ZNF417: variants seen among roughly 807,000 people sequenced by gnomAD.
ZNF417 encodes the protein zinc finger protein 417.
A neutral mutation model predicts 7.4 loss-of-function variants in ZNF417; 5 were observed. The observed-to-expected ratio is 0.68, with a 90% CI of 0.35 to 1.43. ZNF417 has a LOEUF of 1.43. Among genes scored for constraint, ZNF417 ranks in the 40% most tolerant of loss-of-function variants. The pLI is 0.04. For missense variants in ZNF417, 437 were observed against 697.3 expected (o/e 0.63, Z 4.20); for synonymous variants, 147 against 239.1 (o/e 0.61, Z 3.55).
Position 57,908,447 on chromosome 19 carries a change from T to A in ZNF417, c.*103A>T. 1 of 1,587,772 alleles carries A rather than the reference T, an allele frequency of 6.3e-7. No homozygotes were observed. The highest frequency in any genetic ancestry group is 1.1e-5 in the South Asian group (1 of 88,632). Reference sequence around the variant, plus strand: ...ACCAAGGAGAGCAGACATTCTGATGTTTCCCAGATTGACAGCACTCATAAG... The same window carrying A: ...ACCAAGGAGAGCAGACATTCTGATGATTCCCAGATTGACAGCACTCATAAG... On this transcript the variant is annotated 3_prime_UTR_variant, in exon 3 of 3. Transcript: ENST00000312026.
At position 57,909,125 on chromosome 19, in the gene ZNF417, A is replaced by G. The variant is rs1485027401; in HGVS notation, c.1153T>C (p.Cys385Arg). 1.9e-6 allele frequency: 3 copies of G among 1,614,154 alleles called. No homozygotes were observed. The highest frequency in any genetic ancestry group is 2.5e-6 in the Non-Finnish European group (3 of 1,180,038). Residue 385 changes from cysteine to arginine, a missense_variant, in exon 3 of 3, where the codon TGT becomes CGT. By Grantham distance (180) the Cys-to-Arg change is radical. Coordinates refer to ENST00000312026, the MANE Select transcript of ZNF417 (RefSeq NM_152475.3). ...CCCTTTTGACCAAAAGATTTTCCAC[A>G]TTCTCCACACTTGTAAGGCCTTTCT... ...TGERPYKCGE[C>R]GKSFGQKGNL...
At chr19:57,914,927 C>G (rs1479651019) in intron 1 of ZNF417, among the ~76,000 whole-genome samples, 2 of 152,194 alleles carry the variant, frequency 1.3e-5, no homozygotes, top group Admixed American at 1.3e-4. Flanking sequence ...TCCCAGCACA[C>G]CACAAGCTAG....
At position 57,909,313 on chromosome 19, in the gene ZNF417, C is replaced by G. The variant is rs148360150; in HGVS notation, c.965G>C (p.Arg322Thr). 3 of 1,613,994 alleles carry G rather than the reference C, an allele frequency of 1.9e-6. No homozygotes were observed. The African/African-American group carries it at 4.0e-5, about 22-fold the overall frequency. ...ISHQRVHTGERPYECREYGKS... is the reference protein window; with the variant it reads ...ISHQRVHTGETPYECREYGKS... ...CCCATATTCTCTACACTCATAAGGC[C>G]TTTCTCCAGTGTGAACACGCTGATG... is the stretch of plus-strand genomic sequence containing the variant. The change falls in exon 3 of 3, where the codon AGG (arginine) becomes ACG (threonine). Residue 322 changes from arginine (R) to threonine (T), a missense_variant. Physicochemically the swap from Arg to Thr is moderately conservative, Grantham distance 71 (BLOSUM62 -1). Transcript: ENST00000312026.
chr19:57,910,159 G>T lies in ZNF417; in HGVS notation c.164-45C>A, dbSNP rs372528913. 259 of 1,581,906 alleles carry T rather than the reference G, an allele frequency of 1.6e-4. 2 individuals carry two copies. The highest frequency in any genetic ancestry group is 1.7e-4 in the Middle Eastern group (1 of 5,894). On this transcript the variant is annotated intron_variant, in intron 2 of 2. Coordinates refer to ENST00000312026, the MANE Select transcript of ZNF417 (RefSeq NM_152475.3). ...GGTCAAGTGCAAAGTACCTCTGACG[G>T]GAAGGCACAGCCCACCCACAAGTAC...
chr19:57,906,152 T>C lies in ZNF417; in HGVS notation c.*2398A>G, dbSNP rs1230581239. 1.3e-5 allele frequency among the ~76,000 whole-genome samples: 2 copies of C among 152,192 alleles called. No homozygotes were observed. Among genetic ancestry groups the C allele is most frequent in the Non-Finnish European group, 2.9e-5 (2 of 68,034 alleles). ...ATTTACACCACAAGAGACAGACACA[T>C]ACTCTTCAGGGTGTATGGTCATAAT... On this transcript the variant is annotated 3_prime_UTR_variant, in exon 3 of 3. Transcript: ENST00000312026.
Position 57,916,310 on chromosome 19 carries a change from G to A in ZNF417, c.33+69C>T, listed in dbSNP as rs144124540. On this transcript the variant is annotated intron_variant, in intron 1 of 2. Transcript: ENST00000312026. ...GGCTACAGACCCGTGAGCAGGAGCC[G>A]CTCCCTCGCTGGTTTAGGACCTGGG... is the stretch of plus-strand genomic sequence containing the variant. 4,498 of 1,613,022 alleles carry A rather than the reference G, an allele frequency of 2.8e-3. 99 individuals carry two copies. In the African/African-American group the frequency reaches 0.049, roughly 17 times the overall value.
At position 57,907,957 on chromosome 19, in the gene ZNF417, C is replaced by T. The variant is rs1485438668; in HGVS notation, c.*593G>A. ...ATCTCAACGGGTACTGAGTAGAGGA[C>T]TCGGAGCTCTGAGGTAATTGGAGCT... On this transcript the variant is annotated 3_prime_UTR_variant, in exon 3 of 3. Coordinates refer to ENST00000312026, the MANE Select transcript of ZNF417 (RefSeq NM_152475.3). The T allele has an allele frequency of 6.3e-6, 1 of 158,982 alleles. No individual in the cohort carries two copies. The highest frequency in any genetic ancestry group is 1.4e-5 in the Non-Finnish European group (1 of 71,858). The allele number at this position is 158,982 out of a possible 1,614,324, so 9.8% of individuals were successfully genotyped here. A position where few individuals can be genotyped will look rare whatever the true frequency, so the allele number is the denominator to read the frequency against.
intron 1 of ZNF417, among the ~76,000 whole-genome samples, chr19:57,913,738 C>T (rs968412946): frequency 2.6e-5 from 4 of 152,146 alleles, no homozygotes; most frequent in Non-Finnish European, 5.9e-5. Context: ...TCTGATACAT[C>T]CTGCCATGAT....
chr19:57,913,023 C>T (rs1233886693), intron 1 of ZNF417, among the ~76,000 whole-genome samples: 2 of 151,614 alleles, frequency 1.3e-5, no homozygotes, highest in Non-Finnish European at 1.5e-5. Flanking sequence ...GGAATTGAAA[C>T]CCACCACAAA....
chr19:57,913,819 C>T (rs546999862), intron 1 of ZNF417, among the ~76,000 whole-genome samples: 1 of 152,154 alleles, frequency 6.6e-6, no homozygotes, highest in East Asian at 1.9e-4. Flanking sequence ...AAGAGATCCA[C>T]TCCTCAGCCT....
chr19:57,911,867 C>T (rs2071901551), intron 2 of ZNF417, among the ~76,000 whole-genome samples, 193 bp downstream of exon 2: 1 of 152,134 alleles, frequency 6.6e-6, no homozygotes, highest in Non-Finnish European at 1.5e-5. Flanking sequence ...CTGACTCCTT[C>T]CCTGGGAGCC....
At chr19:57,914,879 T>C (rs2071933901) in intron 1 of ZNF417, among the ~76,000 whole-genome samples, 1 of 152,108 alleles carries the variant, frequency 6.6e-6, no homozygotes. Context: ...TTCTCCAGGG[T>C]CCTCGGATCA....
rs2071869813 is a variant in ZNF417, at chr19:57,909,255, T to C, written c.1023A>G (p.Gln341=). 2.5e-6 allele frequency: 4 copies of C among 1,614,170 alleles called. No homozygotes were observed. The highest frequency in any genetic ancestry group is 2.5e-6 in the Non-Finnish European group (3 of 1,180,024). ...KSFGQKGNLI[Q]HQQGHTGERA... ...TCTCTCCAGTGTGACCTTGCTGATGTTGAATGAGGTTACCCTTTTGACCAA... is the reference window on the plus strand; with the variant it reads ...TCTCTCCAGTGTGACCTTGCTGATGCTGAATGAGGTTACCCTTTTGACCAA... Residue 341 remains glutamine, a synonymous_variant, in exon 3 of 3, where the codon CAA becomes CAG. Transcript: ENST00000312026.
chr19:57,911,151 T>C (rs13344618), intron 2 of ZNF417, among the ~76,000 whole-genome samples: 4,614 of 152,286 alleles, frequency 0.03, 240 homozygotes, highest in African/African-American at 0.11. Flanking sequence ...CTTCCTAATA[T>C]GTAATCGATA....
At chr19:57,915,788 A>C (rs1222234505) in intron 1 of ZNF417, 2 of 411,876 alleles carry the variant, frequency 4.9e-6, no homozygotes, top group African/African-American at 2.1e-5. Context: ...GGGGTCATGC[A>C]GCTTCTGACT....
At position 57,909,073 on chromosome 19, in the gene ZNF417, T is replaced by C. The variant is rs762386483; in HGVS notation, c.1205A>G (p.His402Arg). ...GCACTCATAGGGCCTTTCTCCAGTA[T>C]GACCTCGCTGATGTTGAACGAGGTT... ...KGNLVQHQRGHTGERPYECKE... is the reference protein window; with the variant it reads ...KGNLVQHQRGRTGERPYECKE... The change falls in exon 3 of 3, where the codon CAT becomes CGT. Residue 402 changes from histidine to arginine, a missense_variant. His to Arg is a conservative substitution (Grantham distance 29, BLOSUM62 0). Around this residue, in one of 5 missense-constraint regions of ZNF417, gnomAD observed 233 missense variants for 235.5 expected, o/e 0.99. Coordinates refer to ENST00000312026, the MANE Select transcript of ZNF417 (RefSeq NM_152475.3). 3.7e-6 allele frequency: 6 copies of C among 1,614,224 alleles called. No individual in the cohort carries two copies. The South Asian group carries it at 6.6e-5, about 18-fold the overall frequency.
At chr19:57,913,226 G>A (rs1246069044) in intron 1 of ZNF417, among the ~76,000 whole-genome samples, 2 of 152,040 alleles carry the variant, frequency 1.3e-5, no homozygotes, top group African/African-American at 2.4e-5. Context: ...ATGTGGATAA[G>A]CATCCAGACT....
At chr19:57,916,284 C>T (rs2071947026) in intron 1 of ZNF417, 95 bp downstream of exon 1, 13 of 1,606,220 alleles carry the variant, frequency 8.1e-6, no homozygotes, top group Non-Finnish European at 1.0e-5. Context: ...CGCCGGGTAC[C>T]GGCTACAGAC....
intron 2 of ZNF417, among the ~76,000 whole-genome samples, chr19:57,910,459 T>C (rs1403887569): frequency 1.3e-5 from 2 of 151,884 alleles, no homozygotes; most frequent in African/African-American, 4.8e-5. Context: ...GGCAGGAGAA[T>C]CATTTGAACC....
Sources: gnomAD v4.1 joint callset for allele counts (sites outside exome capture counted in the v4.1 genomes callset) on GRCh38, gnomAD v4.1.1 for gene constraint, gnomAD v4.1.1 regional missense constraint, MANE v1.5 for transcripts, NCBI Gene and HGNC (gene_info 2026-07-23, HGNC 2026-07-21) for gene names.